Variants in ZBED4 observed in about 807,000 individuals in gnomAD.
ZBED4 encodes the protein zinc finger BED-type containing 4.
In ZBED4, 4 loss-of-function variants were observed where a neutral mutation model predicts 15.5. The observed-to-expected ratio is 0.26, with a 90% CI of 0.13 to 0.59. ZBED4 has a LOEUF of 0.59. Ranked by LOEUF, ZBED4 falls within the 20% of genes least tolerant of loss-of-function variation. The probability of loss-of-function intolerance (pLI) is 0.90; values close to 1 mark genes in which losing one functional copy is unlikely to be tolerated. For missense variants in ZBED4, 1,323 were observed against 1,461.8 expected (o/e 0.91, Z 1.55); for synonymous variants, 692 against 608.5 (o/e 1.14, Z -2.02).
At position 49,870,852 on chromosome 22, in the gene ZBED4, T is replaced by C. The variant is rs181647866; in HGVS notation, c.-329-12482T>C. Among the ~76,000 whole-genome samples, 268 of 152,280 alleles carry C rather than the reference T, an allele frequency of 1.8e-3. 1 individual carries two copies. Among genetic ancestry groups the C allele is most frequent in the African/African-American group, 6.3e-3 (261 of 41,546 alleles). On this transcript the variant is annotated intron_variant, in intron 1 of 1. Coordinates refer to ENST00000216268, the MANE Select transcript of ZBED4 (RefSeq NM_014838.3). ...GTTAGGTCCCAGTTGTCAATTTTTG[T>C]TTCTGTTACAATCCACTCAATTATT...
rs1012533084 is a variant in ZBED4 at position 49,877,571 on chromosome 22, G to A, written c.-329-5763G>A. Among the ~76,000 whole-genome samples, 4 of 152,082 alleles carry A rather than the reference G, an allele frequency of 2.6e-5. No individual in the cohort carries two copies. In the East Asian group the frequency reaches 5.8e-4, roughly 22 times the overall value. On this transcript the variant is annotated intron_variant, in intron 1 of 1. Coordinates refer to ENST00000216268, the MANE Select transcript of ZBED4 (RefSeq NM_014838.3). Reference sequence around the variant, plus strand: ...GCCTCCCAAAGTGCTGGGATTACAGGTGTGAGCCACCACGCCTGGCCTAAA... The same window carrying A: ...GCCTCCCAAAGTGCTGGGATTACAGATGTGAGCCACCACGCCTGGCCTAAA...
chr22:49,860,900 T>A (rs2060294291), intron 1 of ZBED4, among the ~76,000 whole-genome samples: 1 of 151,704 alleles, frequency 6.6e-6, no homozygotes, highest in East Asian at 1.9e-4. Context: ...TGCCTCAGCC[T>A]CCCGAGTAGC....
chr22:49,866,735 T>C (rs1412914060), intron 1 of ZBED4, among the ~76,000 whole-genome samples: 2 of 152,236 alleles, frequency 1.3e-5, no homozygotes, highest in Non-Finnish European at 2.9e-5. Flanking sequence ...GTGACAGAAT[T>C]CTTTTCTGTT....
At position 49,888,354 on chromosome 22, in the gene ZBED4, G is replaced by A. The variant is rs1305440596; in HGVS notation, c.*1176G>A. 2.4e-5 allele frequency: 4 copies of A among 166,988 alleles called. No homozygotes were observed. The highest frequency in any genetic ancestry group is 1.3e-4 in the Admixed American group (2 of 15,280). 10.3% of individuals were successfully genotyped at this position (166,988 alleles called of 1,614,324 possible). A position where few individuals can be genotyped will look rare whatever the true frequency, so the allele number is the denominator to read the frequency against. ...TGTTTTGTTGAAATACTGTACGTAC[G>A]CTTAATCTAAATTTGCATTGACTAT... On this transcript the variant is annotated 3_prime_UTR_variant, in exon 2 of 2. Transcript: ENST00000216268.
intron 1 of ZBED4, among the ~76,000 whole-genome samples, chr22:49,872,830 C>T (rs1055975153): frequency 2.6e-5 from 4 of 152,150 alleles, no homozygotes; most frequent in East Asian, 1.9e-4. Context: ...CTCAGCCTCC[C>T]GAGTAGCTGG....
chr22:49,887,633 TAGG>T lies in ZBED4; in HGVS notation c.*459_*461del, dbSNP rs1182523973. ...GTGGCTATCAAATGAAATCTGTAAA[TAGG>T]AGGTGGAGGGCAAGCCATCCTGACT... On this transcript the variant is annotated 3_prime_UTR_variant, in exon 2 of 2. Transcript: ENST00000216268. 2.9e-5 allele frequency: 5 copies of T among 171,470 alleles called. No individual in the cohort carries two copies. The highest frequency in any genetic ancestry group is 1.2e-4 in the African/African-American group (5 of 41,476). The allele number at this position is 171,470 out of a possible 1,614,324, so 10.6% of individuals were successfully genotyped here.
At position 49,886,599 on chromosome 22, in the gene ZBED4, C is replaced by T. The variant is rs748858192; in HGVS notation, c.2937C>T (p.Asp979=). ...TCTTCGAGGAGACGATGGGCATCGA[C>T]ACCATGCTGCGCTCTCTGAAGGAGG... ...EMLFEETMGI[D]TMLRSLKEAM... is the part of the protein sequence containing the mutation. The change falls in exon 2 of 2, where the codon GAC becomes GAT. Residue 979 remains aspartate (D), a synonymous_variant. Coordinates refer to ENST00000216268, the MANE Select transcript of ZBED4 (RefSeq NM_014838.3). This position sits in a 1 kb window ranked among gnomAD's most constrained non-coding sequence, Gnocchi z 7.7. 3 of 1,563,138 alleles carry T rather than the reference C, an allele frequency of 1.9e-6. No homozygotes were observed. The highest frequency in any genetic ancestry group is 2.6e-6 in the Non-Finnish European group (3 of 1,153,702).
rs752579980 is a variant in ZBED4, at chr22:49,886,656, C to G, written c.2994C>G (p.His998Gln). 3 of 1,603,694 alleles carry G rather than the reference C, an allele frequency of 1.9e-6. No individual in the cohort carries two copies. Among genetic ancestry groups the G allele is most frequent in the Non-Finnish European group, 2.6e-6 (3 of 1,175,302 alleles). The stretch of plus-strand genomic sequence containing the variant: ...TGAGCCGCCTGTCTGCCACCCTCCA[C>G]GACCCGCGGTACGTCTTCGCCACGC... ...AMVSRLSATL[H>Q]DPRYVFATLL... The change falls in exon 2 of 2, where the codon CAC becomes CAG. Residue 998 changes from histidine (H) to glutamine (Q), a missense_variant. Transcript: ENST00000216268. This position sits in a 1 kb window ranked among gnomAD's most constrained non-coding sequence, Gnocchi z 7.7.
rs1381136434 is a variant in ZBED4 at position 49,888,968 on chromosome 22, G to A, written c.*1790G>A. Reference sequence around the variant, plus strand: ...GTGCTCACGACCAGCTTGCAGTCCTGTGTTTCTTAAGATTGTATTTGGAAT... The same window carrying A: ...GTGCTCACGACCAGCTTGCAGTCCTATGTTTCTTAAGATTGTATTTGGAAT... On this transcript the variant is annotated 3_prime_UTR_variant, in exon 2 of 2. Transcript: ENST00000216268. 6.0e-6 allele frequency: 1 copy of A among 167,250 alleles called. No individual in the cohort carries two copies. The highest frequency in any genetic ancestry group is 2.4e-5 in the African/African-American group (1 of 41,458). 10.4% of individuals were successfully genotyped at this position (167,250 alleles called of 1,614,324 possible).
Position 49,885,949 on chromosome 22 carries a change from G to C in ZBED4, c.2287G>C (p.Asp763His), listed in dbSNP as rs538507770. The change falls in exon 2 of 2, where the codon GAC (aspartate) becomes CAC (histidine). Residue 763 changes from aspartate to histidine, a missense_variant. Coordinates refer to ENST00000216268, the MANE Select transcript of ZBED4 (RefSeq NM_014838.3). ...GTCGCCAGCCCGGCCGCGCTGTGAC[G>C]ACCACCACTGCTCGGCGCTGTTGGA... is the stretch of plus-strand genomic sequence containing the variant. Reference protein sequence around the residue: ...FESPARPRCDDHHCSALLDVS... With the variant: ...FESPARPRCDHHHCSALLDVS... The C allele has an allele frequency of 4.0e-6, 3 of 746,212 alleles. No individual in the cohort carries two copies. The East Asian group carries it at 7.4e-5, about 18-fold the overall frequency. 46.2% of individuals were successfully genotyped at this position (746,212 alleles called of 1,614,324 possible). A position where few individuals can be genotyped will look rare whatever the true frequency, so the allele number is the denominator to read the frequency against.
chr22:49,864,649 T>C (rs149612251), intron 1 of ZBED4, among the ~76,000 whole-genome samples: 41 of 151,934 alleles, frequency 2.7e-4, no homozygotes, highest in Non-Finnish European at 4.6e-4. Flanking sequence ...AGACCCCCTC[T>C]CTACAAAAAA....
Position 49,867,818 on chromosome 22 carries a change from T to A in ZBED4, c.-330+13829T>A, listed in dbSNP as rs554570315. On this transcript the variant is annotated intron_variant, in intron 1 of 1. Transcript: ENST00000216268. ...AAAATATCTTCAGTGGAAAATGCATTTAATTCACCTGATGTGCCGAGCATC... is the reference window on the plus strand; with the variant it reads ...AAAATATCTTCAGTGGAAAATGCATATAATTCACCTGATGTGCCGAGCATC... 2.0e-5 allele frequency among the ~76,000 whole-genome samples: 3 copies of A among 152,342 alleles called. No homozygotes were observed. In the South Asian group the frequency reaches 6.2e-4, roughly 32 times the overall value.
chr22:49,880,587 AC>A (rs2060403890), intron 1 of ZBED4, among the ~76,000 whole-genome samples: 1 of 152,200 alleles, frequency 6.6e-6, no homozygotes, highest in South Asian at 2.1e-4. Flanking sequence ...CGTTTCGTGC[AC>A]GGCGTCTGGC....
intron 1 of ZBED4, among the ~76,000 whole-genome samples, chr22:49,879,271 C>T (rs908779780): frequency 6.6e-6 from 1 of 151,074 alleles, no homozygotes; most frequent in African/African-American, 2.4e-5. Flanking sequence ...ATTACAGGCA[C>T]GCGCCACCAC....
Position 49,886,473 on chromosome 22 carries a change from A to G in ZBED4, c.2811A>G (p.Leu937=), listed in dbSNP as rs2060439686. The G allele has an allele frequency of 6.4e-7, 1 of 1,571,728 alleles. No individual in the cohort carries two copies. The highest frequency in any genetic ancestry group is 1.4e-5 in the African/African-American group (1 of 73,904). ...WEVMQSVCRA[L]KPFEAASREM... is the part of the protein sequence containing the mutation. ...TCATGCAGTCCGTGTGCCGTGCGCT[A>G]AAGCCCTTCGAGGCTGCGAGCCGGG... is the stretch of plus-strand genomic sequence containing the variant. Residue 937 remains leucine, a synonymous_variant, in exon 2 of 2, where the codon CTA becomes CTG. Transcript: ENST00000216268. This position sits in a 1 kb window ranked among gnomAD's most constrained non-coding sequence, Gnocchi z 7.7.
chr22:49,878,816 G>C (rs571265309), intron 1 of ZBED4, among the ~76,000 whole-genome samples: 3 of 152,178 alleles, frequency 2.0e-5, no homozygotes, highest in Admixed American at 2.0e-4. Context: ...TGGCAAACAT[G>C]CTGAAACCTT....
chr22:49,881,855 T>G (rs573191279), intron 1 of ZBED4, among the ~76,000 whole-genome samples: 1 of 152,306 alleles, frequency 6.6e-6, no homozygotes, highest in East Asian at 1.9e-4. Flanking sequence ...TATTTTTCTT[T>G]TTTATCTGGC....
intron 1 of ZBED4, among the ~76,000 whole-genome samples, chr22:49,860,583 A>G (rs1478322383): frequency 7.9e-5 from 12 of 151,946 alleles, no homozygotes; most frequent in Non-Finnish European, 1.5e-5. Flanking sequence ...CTCTTGTTTT[A>G]TTTTTTATTT....
chr22:49,877,553 A>G (rs1035199400), intron 1 of ZBED4, among the ~76,000 whole-genome samples: 2 of 152,166 alleles, frequency 1.3e-5, no homozygotes, highest in Non-Finnish European at 2.9e-5. Context: ...TTGGCCTCCC[A>G]AAGTGCTGGG....
Sources: gnomAD v4.1 joint callset for allele counts (sites outside exome capture counted in the v4.1 genomes callset) on GRCh38, gnomAD v4.1.1 for gene constraint, Gnocchi (gnomAD v3.1) non-coding constraint, MANE v1.5 for transcripts, NCBI Gene and HGNC (gene_info 2026-07-23, HGNC 2026-07-21) for gene names.